Variants in ATP7A observed in about 807,000 individuals in gnomAD.
ATP7A encodes the protein ATPase copper transporting alpha.
Under a neutral mutation model 83.5 loss-of-function variants are expected in ATP7A, and 7 were observed. The observed-to-expected ratio is 0.08, with a 90% CI of 0.05 to 0.16. The LOEUF is 0.16. Ranked by LOEUF, ATP7A falls within the 10% of genes least tolerant of loss-of-function variation. The probability of loss-of-function intolerance (pLI) is 1.00; values close to 1 mark genes in which losing one functional copy is unlikely to be tolerated. For missense variants in ATP7A, 940 were observed against 1,120.8 expected (o/e 0.84, Z 2.30); for synonymous variants, 354 against 395.2 (o/e 0.90, Z 1.24).
At chrX:78,001,248 A>G (rs1230524643) in intron 5 of ATP7A, among the ~76,000 whole-genome samples, 1 of 111,635 alleles carries the variant, frequency 9.0e-6, no homozygotes, top group African/African-American at 3.2e-5. Flanking sequence ...CACTTTATAT[A>G]GAAAAATTAG....
At chrX:78,008,067 G>T (rs1478455113) in intron 6 of ATP7A, among the ~76,000 whole-genome samples, 1 of 111,764 alleles carries the variant, frequency 8.9e-6, no homozygotes, top group Non-Finnish European at 1.9e-5. Flanking sequence ...TTGAATAAAT[G>T]CTTCCTAGAT....
chrX:77,969,970 C>G (rs989457165), intron 1 of ATP7A, among the ~76,000 whole-genome samples: 2 of 112,128 alleles, frequency 1.8e-5, no homozygotes, highest in African/African-American at 6.5e-5. Context: ...TTTATTATCT[C>G]ACATTTCCTA....
intron 13 of ATP7A, 27 bp downstream of exon 13, chrX:78,020,425 A>C (rs1313947689): frequency 1.7e-6 from 2 of 1,199,814 alleles, no homozygotes; most frequent in Admixed American, 2.2e-5. Context: ...GGAGAAACAC[A>C]AACTATTTTC....
chrX:77,917,211 A>G (rs1318950369), intron 1 of ATP7A, among the ~76,000 whole-genome samples: 1 of 112,159 alleles, frequency 8.9e-6, no homozygotes, highest in African/African-American at 3.2e-5. Context: ...CAGTGAAGGG[A>G]CTTGCTTGAT....
chrX:78,041,805 C>G (rs1557238441), intron 19 of ATP7A, among the ~76,000 whole-genome samples: 1 of 110,802 alleles, frequency 9.0e-6, no homozygotes, highest in Non-Finnish European at 1.9e-5. Context: ...TACTTTGGAG[C>G]TTCATCCATA....
Position 78,046,642 on chromosome X carries a change from T to C in ATP7A, c.*72T>C. On this transcript the variant is annotated 3_prime_UTR_variant, in exon 23 of 23. Transcript: ENST00000341514. ...AGCATTCATGATGTTACCTTCACTT[T>C]TCAAAATATTGTAGAAGGATTTTTC... is the stretch of plus-strand genomic sequence containing the variant. 1 of 1,153,177 alleles carries C rather than the reference T, an allele frequency of 8.7e-7. No homozygotes were observed. The highest frequency in any genetic ancestry group is 1.8e-5 in the South Asian group (1 of 55,313).
chrX:77,992,060 A>G (rs1174855623), intron 4 of ATP7A, among the ~76,000 whole-genome samples: 1 of 109,431 alleles, frequency 9.1e-6, no homozygotes, highest in African/African-American at 3.3e-5. Flanking sequence ...AATCTAAAAA[A>G]TTAGATTCTT....
chrX:77,938,201 G>C (rs191311645), intron 1 of ATP7A, among the ~76,000 whole-genome samples: 59 of 112,129 alleles, frequency 5.3e-4, no homozygotes, highest in Non-Finnish European at 8.8e-4. Flanking sequence ...TACTTTACTG[G>C]AATTTGCTGG....
intron 1 of ATP7A, among the ~76,000 whole-genome samples, chrX:77,956,061 AT>A (rs1569549154): frequency 9.0e-6 from 1 of 111,372 alleles, no homozygotes; most frequent in Non-Finnish European, 1.9e-5. Flanking sequence ...ACATGGATTG[AT>A]TCCATATTTT....
intron 1 of ATP7A, among the ~76,000 whole-genome samples, chrX:77,932,911 G>A (rs181260047): frequency 9.2e-6 from 1 of 109,065 alleles, no homozygotes; most frequent in East Asian, 2.8e-4. Flanking sequence ...GAGGGAGAGG[G>A]GGACCGTGGG....
chrX:77,989,172 G>A, intron 3 of ATP7A, 61 bp from the exon 4 acceptor site: 2 of 1,076,032 alleles, frequency 1.9e-6, no homozygotes, highest in Non-Finnish European at 2.5e-6. Context: ...TTAGAAAACA[G>A]AATGTTTTCT....
intron 6 of ATP7A, among the ~76,000 whole-genome samples, chrX:78,008,700 T>G (rs2077794844): frequency 9.0e-6 from 1 of 111,089 alleles, no homozygotes; most frequent in East Asian, 2.8e-4. Flanking sequence ...TGATCATATC[T>G]AAAGCATACT....
At chrX:77,959,025 T>G (rs1557227723) in intron 1 of ATP7A, among the ~76,000 whole-genome samples, 1 of 110,609 alleles carries the variant, frequency 9.0e-6, no homozygotes, top group East Asian at 2.8e-4. Context: ...TGACCTCGGG[T>G]GATCTGCTCC....
intron 2 of ATP7A, among the ~76,000 whole-genome samples, chrX:77,973,036 T>C (rs782016799): frequency 1.8e-5 from 2 of 109,978 alleles, no homozygotes; most frequent in Admixed American, 9.9e-5. Context: ...ACTTCATGCA[T>C]ATATGGCAGG....
intron 22 of ATP7A, among the ~76,000 whole-genome samples, 158 bp downstream of exon 22, chrX:78,045,730 C>T (rs975807538): frequency 8.9e-6 from 1 of 112,313 alleles, no homozygotes; most frequent in Non-Finnish European, 1.9e-5. Flanking sequence ...CACCTGTAAT[C>T]CCAGCACTTT....
chrX:78,045,064 T>C (rs1309305684), intron 21 of ATP7A, among the ~76,000 whole-genome samples: 1 of 112,594 alleles, frequency 8.9e-6, no homozygotes, highest in South Asian at 3.7e-4. Flanking sequence ...ATCCTCATCA[T>C]GTGAGCAAAC....
chrX:77,938,762 A>T (rs1174564773), intron 1 of ATP7A, among the ~76,000 whole-genome samples: 2 of 112,364 alleles, frequency 1.8e-5, no homozygotes, highest in Non-Finnish European at 3.8e-5. Context: ...TACTACCAGG[A>T]TTATTACTCC....
chrX:77,998,793 A>G (rs1557232838), intron 5 of ATP7A, 109 bp downstream of exon 5: 1 of 872,855 alleles, frequency 1.1e-6, no homozygotes, highest in African/African-American at 2.0e-5. Context: ...AAGGCCTCAT[A>G]AAGATTTTCA....
At chrX:77,945,852 A>T (rs1462550986) in intron 1 of ATP7A, among the ~76,000 whole-genome samples, 4 of 111,961 alleles carry the variant, frequency 3.6e-5, no homozygotes, top group African/African-American at 9.7e-5. Flanking sequence ...CATAAAATAA[A>T]TTTACAGGTG....
Sources: allele counts gnomAD v4.1 joint callset (sites outside exome capture counted in the v4.1 genomes callset), GRCh38; gene constraint gnomAD v4.1.1; transcripts MANE v1.5; gene names NCBI Gene and HGNC (gene_info 2026-07-23, HGNC 2026-07-21).